The following GALNT7 variants were observed in gnomAD, a reference collection of about 807,000 sequenced individuals.
GALNT7 encodes the protein N-acetylgalactosaminyltransferase 7.
Under a neutral mutation model 82.1 loss-of-function variants are expected in GALNT7, and 60 were observed. The ratio of observed to expected loss-of-function variants is 0.73; its 90% CI spans 0.59 to 0.91. The LOEUF (loss-of-function observed/expected upper bound fraction) is 0.91. Among genes scored for constraint, GALNT7 ranks in the 40% least tolerant of loss-of-function variants. The probability of loss-of-function intolerance (pLI) is 0.00; values close to 1 mark genes in which losing one functional copy is unlikely to be tolerated. For synonymous variants in GALNT7, 243 were observed against 275.1 expected (o/e 0.88, Z 1.15); for missense variants, 660 against 804.2 (o/e 0.82, Z 2.17).
chr4:173,298,264 A>G lies in GALNT7; in HGVS notation c.1115A>G (p.Lys372Arg). Residue 372 changes from lysine (K) to arginine (R), a missense_variant, in exon 6 of 12, where the codon AAG becomes AGG. Transcript: ENST00000265000. ...WKRVPLTPQE[K>R]RLRKTKTEPY... is the part of the protein sequence containing the mutation. ...CGGGTGCCTCTGACCCCTCAAGAGAAGAGACTGAGAAAGACAAAAACTGAA... is the reference window on the plus strand; with the variant it reads ...CGGGTGCCTCTGACCCCTCAAGAGAGGAGACTGAGAAAGACAAAAACTGAA... 6.3e-7 allele frequency: 1 copy of G among 1,588,640 alleles called. No homozygotes were observed. The highest frequency in any genetic ancestry group is 8.5e-7 in the Non-Finnish European group (1 of 1,172,032).
chr4:173,189,466 A>G (rs1211358340), intron 1 of GALNT7, among the ~76,000 whole-genome samples: 1 of 152,266 alleles, frequency 6.6e-6, no homozygotes, highest in Non-Finnish European at 1.5e-5. Flanking sequence ...ATTATGTTTC[A>G]GTTATCGGAA....
At chr4:173,288,471 GA>G (rs1014861148) in intron 2 of GALNT7, among the ~76,000 whole-genome samples, 41 of 151,808 alleles carry the variant, frequency 2.7e-4, no homozygotes, top group African/African-American at 9.7e-4. Context: ...TCCCCATGGA[GA>G]AAAAAATCCC....
At chr4:173,175,266 G>C (rs1732000986) in intron 1 of GALNT7, among the ~76,000 whole-genome samples, 1 of 152,146 alleles carries the variant, frequency 6.6e-6, no homozygotes, top group Non-Finnish European at 1.5e-5. Context: ...TACATATATT[G>C]AATCCTTACT....
rs139085104 is a variant in GALNT7 at position 173,272,706 on chromosome 4, C to T, written c.588-19402C>T. 1.2e-3 allele frequency among the ~76,000 whole-genome samples: 183 copies of T among 152,286 alleles called. 5 individuals carry two copies. The highest frequency in any genetic ancestry group is 4.3e-3 in the African/African-American group (177 of 41,552). ...TATTACCAAATTTTCTCCTTTACAA[C>T]GTTTTTAAACATCTCATATGTATCA... On this transcript the variant is annotated intron_variant, in intron 2 of 11. Coordinates refer to ENST00000265000, the MANE Select transcript of GALNT7 (RefSeq NM_017423.3).
At chr4:173,169,079 C>A in intron 1 of GALNT7, 118 bp downstream of exon 1, 1 of 947,522 alleles carries the variant, frequency 1.1e-6, no homozygotes. Flanking sequence ...CGCAGCTCCG[C>A]AGGTGGTGCT....
At chr4:173,317,261 C>G (rs1030517470) in intron 9 of GALNT7, 24 of 179,144 alleles carry the variant, frequency 1.3e-4, no homozygotes, top group Middle Eastern at 2.5e-3. Flanking sequence ...CAAATCCAGT[C>G]TGTTCTAGAT....
chr4:173,256,860 C>T (rs1324740155), intron 2 of GALNT7, among the ~76,000 whole-genome samples: 3 of 152,144 alleles, frequency 2.0e-5, no homozygotes, highest in Non-Finnish European at 2.9e-5. Context: ...TAAACCAACA[C>T]TTATATAGAA....
At chr4:173,263,442 A>G (rs957388925) in intron 2 of GALNT7, among the ~76,000 whole-genome samples, 1 of 152,246 alleles carries the variant, frequency 6.6e-6, no homozygotes, top group Non-Finnish European at 1.5e-5. Flanking sequence ...TAACTGATAC[A>G]GAAGAAAAAC....
chr4:173,266,972 A>C (rs1735526028), intron 2 of GALNT7, among the ~76,000 whole-genome samples: 1 of 147,292 alleles, frequency 6.8e-6, no homozygotes, highest in Non-Finnish European at 1.5e-5. Context: ...AATGGCTATA[A>C]ACATACAGTT....
At chr4:173,243,271 TTTGTAAG>T (rs1238621615) in intron 1 of GALNT7, among the ~76,000 whole-genome samples, 1 of 152,222 alleles carries the variant, frequency 6.6e-6, no homozygotes, top group Non-Finnish European at 1.5e-5. Flanking sequence ...GAAGGGGCAC[TTTGTAAG>T]TTGTAAGGTG....
At position 173,267,917 on chromosome 4, in the gene GALNT7, C is replaced by T. The variant is rs146160576; in HGVS notation, c.587+19477C>T. ...GTGTGGCATAGAGAAGCTTCAGAAGCTCTTTTTTCTGTATAGGCCTCTCAT... is the reference window on the plus strand; with the variant it reads ...GTGTGGCATAGAGAAGCTTCAGAAGTTCTTTTTTCTGTATAGGCCTCTCAT... On this transcript the variant is annotated intron_variant, in intron 2 of 11. Coordinates refer to ENST00000265000, the MANE Select transcript of GALNT7 (RefSeq NM_017423.3). Among the ~76,000 whole-genome samples the T allele has an allele frequency of 2.4e-3, 358 of 152,206 alleles. 1 individual carries two copies. Among genetic ancestry groups the T allele is most frequent in the African/African-American group, 8.3e-3 (344 of 41,534 alleles).
chr4:173,241,598 G>T (rs746124072), intron 1 of GALNT7, among the ~76,000 whole-genome samples: 1 of 152,128 alleles, frequency 6.6e-6, no homozygotes, highest in Non-Finnish European at 1.5e-5. Context: ...AGATGACTAG[G>T]TGATCAAAAA....
At chr4:173,256,505 G>A (rs566203402) in intron 2 of GALNT7, among the ~76,000 whole-genome samples, 1 of 151,974 alleles carries the variant, frequency 6.6e-6, no homozygotes, top group South Asian at 2.1e-4. Context: ...TCTGGTCATT[G>A]TCCCTATTTT....
chr4:173,218,346 T>C (rs567670903), intron 1 of GALNT7, among the ~76,000 whole-genome samples: 4 of 152,326 alleles, frequency 2.6e-5, no homozygotes, highest in Non-Finnish European at 5.9e-5. Context: ...ACTAATCCAA[T>C]TGAAAAAACG....
At position 173,248,323 on chromosome 4, in the gene GALNT7, T is replaced by A; in HGVS notation, c.470T>A (p.Val157Asp). 1 of 1,613,482 alleles carries A rather than the reference T, an allele frequency of 6.2e-7. No homozygotes were observed. The highest frequency in any genetic ancestry group is 8.5e-7 in the Non-Finnish European group (1 of 1,179,536). The stretch of plus-strand genomic sequence containing the variant: ...CCTGGAGAGAAAGCCAAGCCATTGG[T>A]TTTGGGACCAGAATTCAAACAAGCA... ...GGPGEKAKPL[V>D]LGPEFKQAIQ... Residue 157 changes from valine to aspartate, a missense_variant, in exon 2 of 12, where the codon GTT becomes GAT. This residue lies in a region of GALNT7 where 527 missense variants were observed against 683.5 expected (regional missense o/e 0.77). Transcript: ENST00000265000.
intron 5 of GALNT7, among the ~76,000 whole-genome samples, chr4:173,296,059 CCTCA>C (rs1331522038): frequency 1.3e-5 from 2 of 152,094 alleles, no homozygotes; most frequent in East Asian, 1.9e-4. Flanking sequence ...ACCTAGGGTT[CCTCA>C]CTCAAGAATC....
Position 173,321,604 on chromosome 4 carries a change from C to T in GALNT7, c.1861C>T (p.Pro621Ser), listed in dbSNP as rs369534797. 1.2e-6 allele frequency: 2 copies of T among 1,611,628 alleles called. No homozygotes were observed. The highest frequency in any genetic ancestry group is 2.7e-5 in the African/African-American group (2 of 74,852). The part of the protein sequence containing the change: ...FKNLHRFTHI[P>S]SGKCLDRSEV... Reference sequence around the variant, plus strand: ...GAACCTGCACAGATTTACTCATATTCCTTCAGGAAAGTGTTTAGATCGCTC... The same window carrying T: ...GAACCTGCACAGATTTACTCATATTTCTTCAGGAAAGTGTTTAGATCGCTC... Residue 621 changes from proline to serine, a missense_variant, in exon 12 of 12, where the codon CCT becomes TCT. Pro to Ser is a moderately conservative substitution (Grantham distance 74). This residue lies in a region of GALNT7 where 527 missense variants were observed against 683.5 expected (regional missense o/e 0.77). Coordinates refer to ENST00000265000, the MANE Select transcript of GALNT7 (RefSeq NM_017423.3).
At chr4:173,199,899 C>T (rs924205034) in intron 1 of GALNT7, among the ~76,000 whole-genome samples, 8 of 152,104 alleles carry the variant, frequency 5.3e-5, no homozygotes, top group African/African-American at 1.9e-4. Context: ...AACGATGACC[C>T]TACGGTGCTA....
chr4:173,202,541 C>T (rs948665484), intron 1 of GALNT7, among the ~76,000 whole-genome samples: 5 of 152,182 alleles, frequency 3.3e-5, no homozygotes, highest in African/African-American at 1.2e-4. Flanking sequence ...TTTCTGTCTC[C>T]TCAATCCTTA....
Sources: gnomAD v4.1 joint callset for allele counts (sites outside exome capture counted in the v4.1 genomes callset) on GRCh38, gnomAD v4.1.1 for gene constraint, gnomAD v4.1.1 regional missense constraint, MANE v1.5 for transcripts, NCBI Gene and HGNC (gene_info 2026-07-23, HGNC 2026-07-21) for gene names.